The following OLFM3 variants were observed in gnomAD, a reference collection of about 807,000 sequenced individuals.
The protein encoded by OLFM3 is olfactomedin 3.
In OLFM3, 20 loss-of-function variants were observed where a neutral mutation model predicts 48.6. The observed-to-expected ratio is 0.41, with a 90% CI of 0.29 to 0.60. The LOEUF is 0.60. Ranked by LOEUF, OLFM3 falls within the 20% of genes least tolerant of loss-of-function variation. OLFM3 has a pLI of 0.28. For missense variants in OLFM3, 437 were observed against 544.3 expected (o/e 0.80, Z 1.96); for synonymous variants, 222 against 198.1 (o/e 1.12, Z -1.01).
intron 1 of OLFM3, among the ~76,000 whole-genome samples, chr1:101,900,627 A>C (rs573062782): frequency 8.5e-5 from 13 of 152,200 alleles, no homozygotes; most frequent in Admixed American, 3.9e-4. Context: ...AAAGAAGTGA[A>C]TCTAGGAAGG....
intron 1 of OLFM3, among the ~76,000 whole-genome samples, chr1:101,838,512 A>C (rs1211426813): frequency 6.6e-6 from 1 of 152,258 alleles, no homozygotes; most frequent in South Asian, 2.1e-4. Flanking sequence ...TTCATAAATA[A>C]ATTTCAGTGG....
intron 2 of OLFM3, among the ~76,000 whole-genome samples, chr1:101,833,194 T>C (rs1312112582): frequency 6.6e-6 from 1 of 152,236 alleles, no homozygotes; most frequent in Non-Finnish European, 1.5e-5. Context: ...TAAGGTTAAT[T>C]TTCAACTTCA....
At chr1:101,847,995 C>T (rs544772651) in intron 1 of OLFM3, among the ~76,000 whole-genome samples, 1 of 152,090 alleles carries the variant, frequency 6.6e-6, no homozygotes, top group Non-Finnish European at 1.5e-5. Flanking sequence ...TCCAAGGTCC[C>T]TTCCAGCTCT....
At chr1:101,966,854 G>A (rs1247748663) in intron 1 of OLFM3, among the ~76,000 whole-genome samples, 2 of 152,080 alleles carry the variant, frequency 1.3e-5, no homozygotes, top group East Asian at 3.9e-4. Flanking sequence ...TTAGCAGTTT[G>A]GGTTTGATAT....
intron 1 of OLFM3, among the ~76,000 whole-genome samples, chr1:101,976,869 C>A (rs1250805275): frequency 6.6e-6 from 1 of 152,118 alleles, no homozygotes; most frequent in Non-Finnish European, 1.5e-5. Context: ...AAATTCTTAA[C>A]ACATACATTA....
At chr1:101,853,798 G>A (rs1656312620) in intron 1 of OLFM3, among the ~76,000 whole-genome samples, 1 of 151,956 alleles carries the variant, frequency 6.6e-6, no homozygotes, top group Non-Finnish European at 1.5e-5. Flanking sequence ...CCTATACGTG[G>A]GTAATGGATA....
chr1:101,805,943 CAG>C (rs1653750697), intron 5 of OLFM3, 131 bp downstream of exon 5: 2 of 562,126 alleles, frequency 3.6e-6, no homozygotes, highest in Middle Eastern at 8.6e-4. Context: ...TATTATCAAA[CAG>C]AAAATATTTG....
chr1:101,918,515 C>G (rs1658993985), intron 1 of OLFM3, among the ~76,000 whole-genome samples: 1 of 151,566 alleles, frequency 6.6e-6, no homozygotes, highest in African/African-American at 2.4e-5. Flanking sequence ...TTGCATCACT[C>G]CAATCTCTGT....
In OLFM3 at chr1:101,849,629, CAAG is replaced by C. The variant is rs745470572; in HGVS notation, c.70-12607_70-12605del. Among the ~76,000 whole-genome samples, 6 of 152,216 alleles carry C rather than the reference CAAG, an allele frequency of 3.9e-5. No individual in the cohort carries two copies. The South Asian group carries it at 6.2e-4, about 16-fold the overall frequency. On this transcript the variant is annotated intron_variant, in intron 1 of 5. Transcript: ENST00000370103. Reference sequence around the variant, plus strand: ...CAGAGAGTGCAAAGCATATCAGAGACAAGAAGGTCACTTAGAGGTATATTCTCA... The same window carrying C: ...CAGAGAGTGCAAAGCATATCAGAGACAAGGTCACTTAGAGGTATATTCTCA...
chr1:101,846,215 T>A (rs1655985255), intron 1 of OLFM3, among the ~76,000 whole-genome samples: 1 of 152,192 alleles, frequency 6.6e-6, no homozygotes, highest in Non-Finnish European at 1.5e-5. Flanking sequence ...TACAAGACAG[T>A]CTTGTGATAG....
chr1:101,954,686 T>C (rs1660237000), intron 1 of OLFM3, among the ~76,000 whole-genome samples: 1 of 152,120 alleles, frequency 6.6e-6, no homozygotes, highest in Non-Finnish European at 1.5e-5. Flanking sequence ...GTGTTTCTAA[T>C]GTTTTATCAA....
chr1:101,810,163 T>A (rs1048833127), intron 4 of OLFM3, among the ~76,000 whole-genome samples: 1 of 151,862 alleles, frequency 6.6e-6, no homozygotes, highest in Non-Finnish European at 1.5e-5. Flanking sequence ...TAATGAAGAT[T>A]CAAATCTAAG....
chr1:101,972,876 C>T (rs2184823), intron 1 of OLFM3, among the ~76,000 whole-genome samples: 37,727 of 152,056 alleles, frequency 0.25, 5,249 homozygotes, highest in Middle Eastern at 0.36. Context: ...GTTTATAGAT[C>T]TATCAGTCTC....
intron 1 of OLFM3, among the ~76,000 whole-genome samples, chr1:101,942,611 A>G (rs1659829191): frequency 6.6e-6 from 1 of 152,184 alleles, no homozygotes; most frequent in African/African-American, 2.4e-5. Flanking sequence ...TATTTTATGT[A>G]CCTGCTAAGG....
chr1:101,964,708 C>G (rs1660561659), intron 1 of OLFM3, among the ~76,000 whole-genome samples: 2 of 152,124 alleles, frequency 1.3e-5, no homozygotes, highest in South Asian at 4.1e-4. Flanking sequence ...TCACTCCTTG[C>G]AAGTAGATTC....
At chr1:101,847,345 C>A (rs894503137) in intron 1 of OLFM3, among the ~76,000 whole-genome samples, 1 of 151,498 alleles carries the variant, frequency 6.6e-6, no homozygotes, top group Non-Finnish European at 1.5e-5. Context: ...TAATCAGCTA[C>A]TCTTTATCTT....
intron 1 of OLFM3, among the ~76,000 whole-genome samples, chr1:101,892,535 T>C (rs563483714): frequency 7.2e-5 from 11 of 152,074 alleles, no homozygotes; most frequent in Non-Finnish European, 1.5e-4. Flanking sequence ...ATTAAACAAT[T>C]TGATTTACAA....
chr1:101,989,649 T>G (rs1364964767), intron 1 of OLFM3, among the ~76,000 whole-genome samples: 1 of 106,960 alleles, frequency 9.3e-6, no homozygotes, highest in East Asian at 2.1e-4. Flanking sequence ...AATTAACTCA[T>G]GAGCTACTGA....
intron 1 of OLFM3, among the ~76,000 whole-genome samples, chr1:101,917,168 T>A (rs1252513426): frequency 6.6e-6 from 1 of 152,098 alleles, no homozygotes; most frequent in African/African-American, 2.4e-5. Flanking sequence ...TAGAGTTAAG[T>A]CAAGAGTTAA....
Sources: allele counts gnomAD v4.1 joint callset (sites outside exome capture counted in the v4.1 genomes callset), GRCh38; gene constraint gnomAD v4.1.1; transcripts MANE v1.5; gene names NCBI Gene and HGNC (gene_info 2026-07-23, HGNC 2026-07-21).